EPHA4: variants seen among roughly 807,000 people sequenced by gnomAD.
The protein encoded by EPHA4 is ephrin type-A receptor 4.
In EPHA4, 19 loss-of-function variants were observed where a neutral mutation model predicts 108.3. That is an observed-to-expected ratio of 0.18 (90% CI 0.12 to 0.26). The LOEUF (loss-of-function observed/expected upper bound fraction) is 0.26. Among genes scored for constraint, EPHA4 ranks in the 10% least tolerant of loss-of-function variants. EPHA4 has a pLI of 1.00. For synonymous variants in EPHA4, 449 were observed against 455.5 expected, an observed-to-expected ratio of 0.99 and a Z score of 0.18; for missense variants, 917 against 1,254.0, an observed-to-expected ratio of 0.73 and a Z score of 4.06.
chr2:221,427,051 G>T (rs1404680067), intron 15 of EPHA4, among the ~76,000 whole-genome samples: 1 of 152,264 alleles, frequency 6.6e-6, no homozygotes, highest in Non-Finnish European at 1.5e-5. Flanking sequence ...GGAAAACTGC[G>T]AGCTTGCCAC....
At chr2:221,543,365 T>G (rs961653469) in intron 3 of EPHA4, among the ~76,000 whole-genome samples, 2 of 152,230 alleles carry the variant, frequency 1.3e-5, no homozygotes, top group Non-Finnish European at 2.9e-5. Flanking sequence ...CATTAACTCA[T>G]TTTGTGGTGT....
intron 5 of EPHA4, among the ~76,000 whole-genome samples, chr2:221,464,826 A>G (rs1411895061): frequency 6.6e-6 from 1 of 152,218 alleles, no homozygotes; most frequent in African/African-American, 2.4e-5. Context: ...TCTCATAGTC[A>G]AAAAGTGAAA....
chr2:221,473,426 C>G (rs1182584856), intron 5 of EPHA4, among the ~76,000 whole-genome samples: 1 of 151,908 alleles, frequency 6.6e-6, no homozygotes, highest in Non-Finnish European at 1.5e-5. Flanking sequence ...GATGTTGAGA[C>G]TCAGAAGAAT....
chr2:221,432,447 T>C (rs1316221482), intron 14 of EPHA4, among the ~76,000 whole-genome samples: 1 of 152,162 alleles, frequency 6.6e-6, no homozygotes, highest in Admixed American at 6.5e-5. Context: ...TTACATGCTA[T>C]TCCCCTCCAT....
At chr2:221,509,156 C>T (rs1464200063) in intron 3 of EPHA4, among the ~76,000 whole-genome samples, 1 of 152,144 alleles carries the variant, frequency 6.6e-6, no homozygotes, top group Non-Finnish European at 1.5e-5. Flanking sequence ...TGGAGAAAAC[C>T]TGTCTTTACT....
At chr2:221,515,016 C>T (rs912161786) in intron 3 of EPHA4, among the ~76,000 whole-genome samples, 4 of 152,120 alleles carry the variant, frequency 2.6e-5, no homozygotes, top group African/African-American at 4.8e-5. Context: ...GATCTCTAGA[C>T]CAACATTCAA....
chr2:221,524,231 C>T (rs1188523757), intron 3 of EPHA4, among the ~76,000 whole-genome samples: 3 of 152,198 alleles, frequency 2.0e-5, no homozygotes, highest in Non-Finnish European at 4.4e-5. Flanking sequence ...ATGCTAACTC[C>T]ACTTCTTAGC....
intron 3 of EPHA4, among the ~76,000 whole-genome samples, chr2:221,557,412 T>G (rs1313640172): frequency 2.7e-5 from 4 of 147,916 alleles, no homozygotes; most frequent in Non-Finnish European, 6.0e-5. Context: ...AGTAACAATT[T>G]TCACTTTCTA....
chr2:221,470,034 T>C (rs1691431604), intron 5 of EPHA4, among the ~76,000 whole-genome samples: 1 of 152,252 alleles, frequency 6.6e-6, no homozygotes, highest in African/African-American at 2.4e-5. Context: ...TCTATTTCTT[T>C]CTCTTGTTGC....
At chr2:221,455,374 G>A (rs1208118398) in intron 8 of EPHA4, among the ~76,000 whole-genome samples, 173 bp downstream of exon 8, 1 of 152,136 alleles carries the variant, frequency 6.6e-6, no homozygotes. Context: ...CCAGGGTACA[G>A]CTAGCAGCTT....
chr2:221,436,670 G>T, intron 12 of EPHA4, 62 bp from the exon 13 acceptor site: 1 of 1,488,646 alleles, frequency 6.7e-7, no homozygotes, highest in African/African-American at 1.4e-5. Flanking sequence ...TTCTCACCAA[G>T]CATTTATTAC....
intron 3 of EPHA4, among the ~76,000 whole-genome samples, chr2:221,507,146 G>C (rs1692654923): frequency 1.3e-5 from 2 of 152,104 alleles, no homozygotes; most frequent in African/African-American, 4.8e-5. Flanking sequence ...TGAATAACTT[G>C]TCCACGGGTC....
At chr2:221,548,124 G>T (rs1694051391) in intron 3 of EPHA4, among the ~76,000 whole-genome samples, 1 of 152,160 alleles carries the variant, frequency 6.6e-6, no homozygotes, top group South Asian at 2.1e-4. Context: ...TCATGAATGG[G>T]TTAGCACCAT....
At chr2:221,464,598 T>C (rs967604764) in intron 5 of EPHA4, among the ~76,000 whole-genome samples, 1 of 152,224 alleles carries the variant, frequency 6.6e-6, no homozygotes, top group Admixed American at 6.5e-5. Context: ...CTATCATCAT[T>C]ACAGTATTTT....
intron 3 of EPHA4, among the ~76,000 whole-genome samples, chr2:221,504,539 T>TTATATA (rs10556912): frequency 2.0e-5 from 3 of 148,268 alleles, no homozygotes; most frequent in African/African-American, 7.4e-5. Context: ...TTTGAAAATT[T>TTATATA]TATATATATA....
intron 3 of EPHA4, among the ~76,000 whole-genome samples, chr2:221,544,786 A>G (rs1693939155): frequency 1.3e-5 from 2 of 152,238 alleles, no homozygotes. Context: ...AAATGAAATC[A>G]TAAAGGTGAG....
At chr2:221,569,945 A>G (rs1462105926) in intron 1 of EPHA4, among the ~76,000 whole-genome samples, 1 of 151,984 alleles carries the variant, frequency 6.6e-6, no homozygotes, top group Non-Finnish European at 1.5e-5. Flanking sequence ...TAAAATGTAG[A>G]GCCTTCCCTG....
upstream of EPHA4, chr2:221,572,988 T>A (rs1453558024): frequency 6.6e-6 from 1 of 152,386 alleles, no homozygotes; most frequent in African/African-American, 2.4e-5. Context: ...CTCCAGAGAC[T>A]GAACGAATGA....
chr2:221,477,660 G>A lies in EPHA4; in HGVS notation c.1318+4692C>T, dbSNP rs144935997. Reference sequence around the variant, plus strand: ...AGGCAAGGAATTAGAGAGAAGGAGGGCAGGCAGAATTCAGGTGATAATTCT... The same window carrying A: ...AGGCAAGGAATTAGAGAGAAGGAGGACAGGCAGAATTCAGGTGATAATTCT... On this transcript the variant is annotated intron_variant, in intron 5 of 17. Coordinates refer to ENST00000281821, the MANE Select transcript of EPHA4 (RefSeq NM_004438.5). Among the ~76,000 whole-genome samples, 275 of 152,300 alleles carry A rather than the reference G, an allele frequency of 1.8e-3. 2 individuals are homozygous for A. The highest frequency in any genetic ancestry group is 0.013 in the East Asian group (66 of 5,180).
Sources: allele counts gnomAD v4.1 joint callset (sites outside exome capture counted in the v4.1 genomes callset), GRCh38; gene constraint gnomAD v4.1.1; transcripts MANE v1.5; gene names NCBI Gene and HGNC (gene_info 2026-07-23, HGNC 2026-07-21).